Variants in ADAM22 observed in about 807,000 individuals in gnomAD.
ADAM22 encodes disintegrin and metalloproteinase domain-containing protein 22.
ADAM22 carries 65 observed loss-of-function variants against 144.6 expected under a neutral mutation model. The ratio of observed to expected loss-of-function variants is 0.45; its 90% CI spans 0.37 to 0.55. The LOEUF (loss-of-function observed/expected upper bound fraction) is 0.55, where lower values mean the gene tolerates loss of function less well. ADAM22 is among the 20% of genes least tolerant of loss of function. The pLI is 0.00. For missense variants in ADAM22, 974 were observed against 1,184.9 expected, an observed-to-expected ratio of 0.82 and a Z score of 2.61; for synonymous variants, 391 against 412.6, an observed-to-expected ratio of 0.95 and a Z score of 0.63.
chr7:88,012,026 C>A (rs1010277876), intron 3 of ADAM22, among the ~76,000 whole-genome samples: 1 of 129,180 alleles, frequency 7.7e-6, no homozygotes, highest in Non-Finnish European at 1.6e-5. Context: ...GTATTGTGTT[C>A]TGTTTTTTTT....
At chr7:88,010,652 G>T (rs1795142917) in intron 3 of ADAM22, among the ~76,000 whole-genome samples, 2 of 152,148 alleles carry the variant, frequency 1.3e-5, no homozygotes. Context: ...CTTGGGTGAT[G>T]TGCCCACCTC....
chr7:88,008,680 C>T (rs1463968162), intron 3 of ADAM22, among the ~76,000 whole-genome samples: 2 of 151,622 alleles, frequency 1.3e-5, no homozygotes, highest in African/African-American at 4.9e-5. Context: ...TGTTCTCACT[C>T]ATAGATGGGA....
At chr7:87,953,880 C>A (rs1192206118) in intron 2 of ADAM22, among the ~76,000 whole-genome samples, 2 of 152,184 alleles carry the variant, frequency 1.3e-5, no homozygotes, top group Non-Finnish European at 2.9e-5. Flanking sequence ...TGAATTGATC[C>A]CTTTACCATT....
rs12670387 is a variant in ADAM22, at chr7:88,175,840, T to G, written c.2301-3095T>G. Among the ~76,000 whole-genome samples the G allele has an allele frequency of 2.6e-3, 391 of 152,332 alleles. 6 individuals are homozygous for G. In the East Asian group the frequency reaches 0.031, roughly 12 times the overall value. On this transcript the variant is annotated intron_variant, in intron 26 of 31. Coordinates refer to ENST00000413139, the MANE Select transcript of ADAM22 (RefSeq NM_001324418.2). ...TGACAACAAATGATGAAAAGTTATTTTATTTACCATGGGGGCTTGATATTC... is the reference window on the plus strand; with the variant it reads ...TGACAACAAATGATGAAAAGTTATTGTATTTACCATGGGGGCTTGATATTC...
chr7:88,118,176 A>T (rs1170486380), intron 7 of ADAM22, among the ~76,000 whole-genome samples: 1 of 152,298 alleles, frequency 6.6e-6, no homozygotes, highest in South Asian at 2.1e-4. Context: ...ACAGAGGGAA[A>T]CGGAGTAATC....
At chr7:87,934,910 G>T in intron 1 of ADAM22, 116 bp from the exon 2 acceptor site, 1 of 1,432,676 alleles carries the variant, frequency 7.0e-7, no homozygotes, top group East Asian at 2.3e-5. Flanking sequence ...GAGAGGGAGG[G>T]GGCGGTGGGG....
At chr7:88,045,891 TGTG>T (rs1563096258) in intron 3 of ADAM22, among the ~76,000 whole-genome samples, 103 of 64,790 alleles carry the variant, frequency 1.6e-3, no homozygotes, top group African/African-American at 5.5e-3. Flanking sequence ...TATTCTATTG[TGTG>T]TGTGTGTGTG....
At chr7:88,037,885 T>C (rs940966959) in intron 3 of ADAM22, among the ~76,000 whole-genome samples, 2 of 152,232 alleles carry the variant, frequency 1.3e-5, no homozygotes, top group Non-Finnish European at 2.9e-5. Context: ...TGGGAAACTT[T>C]GTGCCAATAT....
At chr7:88,036,065 A>G (rs763984209) in intron 3 of ADAM22, among the ~76,000 whole-genome samples, 1 of 152,236 alleles carries the variant, frequency 6.6e-6, no homozygotes, top group Non-Finnish European at 1.5e-5. Context: ...CTTTTAAGTC[A>G]CCGACTAGCT....
At chr7:88,027,322 GA>G in intron 3 of ADAM22, among the ~76,000 whole-genome samples, 1 of 152,260 alleles carries the variant, frequency 6.6e-6, no homozygotes, top group East Asian at 1.9e-4. Context: ...TACTTCTTTA[GA>G]TGTTTAGTAA....
At chr7:88,110,147 T>C (rs1439623134) in intron 5 of ADAM22, among the ~76,000 whole-genome samples, 1 of 152,202 alleles carries the variant, frequency 6.6e-6, no homozygotes, top group Non-Finnish European at 1.5e-5. Context: ...AAAGAGGTTT[T>C]TACAAACATG....
intron 14 of ADAM22, 25 bp from the exon 15 acceptor site, chr7:88,143,001 C>A: frequency 7.0e-7 from 1 of 1,433,040 alleles, no homozygotes; most frequent in Non-Finnish European, 9.8e-7. Context: ...TTGAACCCAG[C>A]TATTGCTTTT....
chr7:88,009,369 C>T (rs2129459200), intron 3 of ADAM22, among the ~76,000 whole-genome samples: 1 of 152,206 alleles, frequency 6.6e-6, no homozygotes, highest in East Asian at 1.9e-4. Context: ...TCATTAATTT[C>T]AATTGGTTAC....
chr7:88,021,545 T>C (rs58901107), intron 3 of ADAM22, among the ~76,000 whole-genome samples: 2,506 of 152,302 alleles, frequency 0.016, 84 homozygotes, highest in African/African-American at 0.057. Flanking sequence ...TATTGCCTTA[T>C]GTTTTCTATT....
In ADAM22 at chr7:87,944,828, T is replaced by G. The variant is rs536407857; in HGVS notation, c.246+9642T>G. 2.6e-4 allele frequency among the ~76,000 whole-genome samples: 40 copies of G among 151,220 alleles called. No individual in the cohort carries two copies. The South Asian group carries it at 4.2e-3, about 16-fold the overall frequency. ...AAGGGAAACTTGTGTTTTTTTTTTTTTTGTTTTTTTTTTTTTAGTCAGTCT... is the reference window on the plus strand; with the variant it reads ...AAGGGAAACTTGTGTTTTTTTTTTTGTTGTTTTTTTTTTTTTAGTCAGTCT... On this transcript the variant is annotated intron_variant, in intron 2 of 31. Coordinates refer to ENST00000413139, the MANE Select transcript of ADAM22 (RefSeq NM_001324418.2).
intron 2 of ADAM22, among the ~76,000 whole-genome samples, chr7:87,948,864 A>G (rs1044669501): frequency 1.3e-5 from 2 of 152,142 alleles, no homozygotes; most frequent in African/African-American, 2.4e-5. Flanking sequence ...CATATTCACT[A>G]TTGTTTGTGC....
In ADAM22 at chr7:88,196,601, C is replaced by A; in HGVS notation, c.*110C>A. ...ATCTGCTCTTCAGACAATACGAAGA[C>A]CCTCTGAGATGCTACAGAGGAGAGG... On this transcript the variant is annotated 3_prime_UTR_variant, in exon 32 of 32. Coordinates refer to ENST00000413139, the MANE Select transcript of ADAM22 (RefSeq NM_001324418.2). 1.6e-6 allele frequency: 2 copies of A among 1,216,060 alleles called. No homozygotes were observed. The highest frequency in any genetic ancestry group is 2.4e-6 in the Non-Finnish European group (2 of 826,766). 75.3% of individuals were successfully genotyped at this position (1,216,060 alleles called of 1,614,324 possible).
intron 7 of ADAM22, among the ~76,000 whole-genome samples, chr7:88,118,011 A>T (rs1828248609): frequency 6.6e-6 from 1 of 151,970 alleles, no homozygotes; most frequent in Non-Finnish European, 1.5e-5. Context: ...TTAATTTTTA[A>T]TCTCGTTTTA....
chr7:87,940,316 C>T (rs1842239704), intron 2 of ADAM22, among the ~76,000 whole-genome samples: 1 of 151,274 alleles, frequency 6.6e-6, no homozygotes, highest in Non-Finnish European at 1.5e-5. Context: ...TATTATATGT[C>T]AATTTTTTAA....
Sources: allele counts gnomAD v4.1 joint callset (sites outside exome capture counted in the v4.1 genomes callset), GRCh38; gene constraint gnomAD v4.1.1; transcripts MANE v1.5; gene names NCBI Gene and HGNC (gene_info 2026-07-23, HGNC 2026-07-21).